ATP10A: variants seen among roughly 807,000 people sequenced by gnomAD.
ATP10A encodes the protein ATPase phospholipid transporting 10A (putative), also known as phospholipid-transporting ATPase VA.
Under a neutral mutation model 147.8 loss-of-function variants are expected in ATP10A, and 111 were observed. That is an observed-to-expected ratio of 0.75 (90% CI 0.64 to 0.88). The LOEUF (loss-of-function observed/expected upper bound fraction) is 0.88, where lower values mean the gene tolerates loss of function less well. Among genes scored for constraint, ATP10A ranks in the 40% least tolerant of loss-of-function variants. ATP10A has a pLI of 0.00. For synonymous variants in ATP10A, 875 were observed against 841.6 expected (o/e 1.04, Z -0.69); for missense variants, 1,927 against 1,959.0 (o/e 0.98, Z 0.31).
intron 10 of ATP10A, 57 bp from the exon 11 acceptor site, chr15:25,708,357 T>A: frequency 6.8e-7 from 1 of 1,478,466 alleles, no homozygotes; most frequent in Non-Finnish European, 9.5e-7. Flanking sequence ...GGAATGGTCT[T>A]CAGACACTCC....
chr15:25,769,360 G>A (rs766365799), intron 2 of ATP10A, among the ~76,000 whole-genome samples: 6 of 151,550 alleles, frequency 4.0e-5, no homozygotes, highest in Non-Finnish European at 5.9e-5. Context: ...GGTGGCGGGC[G>A]TCTGTAATCC....
In ATP10A at chr15:25,820,229, C is replaced by T. The variant is rs137858100; in HGVS notation, c.450-39006G>A. ...AACAATCTGCATCAGCAATAACTAG[C>T]TCAAAAATCTGGGAAAAGGGGTTTG... On this transcript the variant is annotated intron_variant, in intron 1 of 20. Coordinates refer to ENST00000555815, the MANE Select transcript of ATP10A (RefSeq NM_024490.4). Among the ~76,000 whole-genome samples, 9 of 152,232 alleles carry T rather than the reference C, an allele frequency of 5.9e-5. No homozygotes were observed. In the East Asian group the frequency reaches 1.7e-3, roughly 29 times the overall value.
intron 7 of ATP10A, among the ~76,000 whole-genome samples, chr15:25,720,143 C>T (rs1902123601): frequency 6.6e-6 from 1 of 152,112 alleles, no homozygotes; most frequent in South Asian, 2.1e-4. Flanking sequence ...GCCTAAGCTT[C>T]CAACTTTATT....
At position 25,863,222 on chromosome 15, in the gene ATP10A, C is replaced by T. The variant is rs183841283; in HGVS notation, c.-126G>A. 19 of 598,832 alleles carry T rather than the reference C, an allele frequency of 3.2e-5. No individual in the cohort carries two copies. The highest frequency in any genetic ancestry group is 4.1e-5 in the Non-Finnish European group (19 of 464,236). The allele number at this position is 598,832 out of a possible 1,614,324, so 37.1% of individuals were successfully genotyped here. A position where few individuals can be genotyped will look rare whatever the true frequency, so the allele number is the denominator to read the frequency against. On this transcript the variant is annotated 5_prime_UTR_variant, in exon 1 of 21. Coordinates refer to ENST00000555815, the MANE Select transcript of ATP10A (RefSeq NM_024490.4). ...CCCCGCCTGCGGGACGCACGGAGAC[C>T]GCGGTCAGCGCGCCGCCTGGCCGGC...
intron 2 of ATP10A, among the ~76,000 whole-genome samples, chr15:25,764,323 C>T (rs1399535980): frequency 6.6e-6 from 1 of 152,120 alleles, no homozygotes; most frequent in Non-Finnish European, 1.5e-5. Flanking sequence ...GTTTGAGTCC[C>T]CCAAAATGTA....
chr15:25,739,789 G>A (rs1887483565), intron 2 of ATP10A, among the ~76,000 whole-genome samples: 1 of 152,188 alleles, frequency 6.6e-6, no homozygotes, highest in African/African-American at 2.4e-5. Context: ...TTCTGTTGTT[G>A]TCTTACAGAT....
intron 1 of ATP10A, among the ~76,000 whole-genome samples, chr15:25,812,809 T>C (rs1891490152): frequency 6.6e-6 from 1 of 152,198 alleles, no homozygotes; most frequent in South Asian, 2.1e-4. Context: ...TGATTTCACT[T>C]TGAAAGTGAT....
At chr15:25,852,407 C>G (rs919432187) in intron 1 of ATP10A, among the ~76,000 whole-genome samples, 3 of 152,166 alleles carry the variant, frequency 2.0e-5, no homozygotes, top group Non-Finnish European at 4.4e-5. Flanking sequence ...TGGCAAGGGT[C>G]TGACCTCATT....
At chr15:25,755,915 GT>G (rs1273424868) in intron 2 of ATP10A, among the ~76,000 whole-genome samples, 1 of 152,136 alleles carries the variant, frequency 6.6e-6, no homozygotes, top group Non-Finnish European at 1.5e-5. Context: ...ATTTGTAAGC[GT>G]GTCTCCTTCT....
chr15:25,786,171 C>T (rs1890148747), intron 1 of ATP10A, among the ~76,000 whole-genome samples: 1 of 152,148 alleles, frequency 6.6e-6, no homozygotes, highest in Admixed American at 6.5e-5. Flanking sequence ...AGAGAGGTGC[C>T]ACGCCAGCAC....
At chr15:25,725,926 T>C in intron 5 of ATP10A, 25 bp downstream of exon 5, 2 of 1,596,574 alleles carry the variant, frequency 1.3e-6, no homozygotes, top group South Asian at 1.1e-5. Context: ...CCCCCACTCA[T>C]TTCCGATCCA....
At chr15:25,747,749 T>C (rs1040376092) in intron 2 of ATP10A, among the ~76,000 whole-genome samples, 8 of 152,202 alleles carry the variant, frequency 5.3e-5, no homozygotes, top group African/African-American at 1.9e-4. Flanking sequence ...AGTTTGAATC[T>C]TTCTGCAAAA....
intron 1 of ATP10A, among the ~76,000 whole-genome samples, chr15:25,817,747 C>G (rs1891724701): frequency 1.2e-4 from 19 of 152,180 alleles, no homozygotes; most frequent in Admixed American, 1.2e-3. Context: ...GGATATCCAC[C>G]TCTACACATT....
intron 12 of ATP10A, among the ~76,000 whole-genome samples, chr15:25,704,867 T>C (rs542724142): frequency 6.6e-6 from 1 of 152,296 alleles, no homozygotes; most frequent in Admixed American, 6.5e-5. Flanking sequence ...AGGCCTGGCA[T>C]TTCTGAGTAT....
intron 2 of ATP10A, among the ~76,000 whole-genome samples, chr15:25,754,116 TTTTG>T (rs1334961939): frequency 1.6e-4 from 25 of 152,130 alleles, no homozygotes; most frequent in South Asian, 1.0e-3. Flanking sequence ...CGGTTTTTTA[TTTTG>T]TTTGTTTGTT....
At chr15:25,703,844 G>C (rs1900814571) in intron 12 of ATP10A, among the ~76,000 whole-genome samples, 1 of 152,230 alleles carries the variant, frequency 6.6e-6, no homozygotes, top group African/African-American at 2.4e-5. Context: ...CCCATGTCGG[G>C]GATGTACTGG....
At chr15:25,860,466 G>A (rs528507688) in intron 1 of ATP10A, among the ~76,000 whole-genome samples, 1 of 152,270 alleles carries the variant, frequency 6.6e-6, no homozygotes, top group Admixed American at 6.5e-5. Flanking sequence ...CCAGGGCCTG[G>A]CACCACCTCT....
chr15:25,785,524 G>A (rs538792508), intron 1 of ATP10A, among the ~76,000 whole-genome samples: 1 of 152,192 alleles, frequency 6.6e-6, no homozygotes, highest in Non-Finnish European at 1.5e-5. Flanking sequence ...GTCCATTCTC[G>A]TGACTCTGGC....
chr15:25,752,395 GCA>G (rs1449157069), intron 2 of ATP10A, among the ~76,000 whole-genome samples: 1 of 152,166 alleles, frequency 6.6e-6, no homozygotes, highest in Non-Finnish European at 1.5e-5. Context: ...AATAAGCCAG[GCA>G]CAGAGACAAA....
Sources: gnomAD v4.1 joint callset for allele counts (sites outside exome capture counted in the v4.1 genomes callset) on GRCh38, gnomAD v4.1.1 for gene constraint, MANE v1.5 for transcripts, NCBI Gene and HGNC (gene_info 2026-07-23, HGNC 2026-07-21) for gene names.